The following ICA1L variants were observed in gnomAD, a reference collection of about 807,000 sequenced individuals.
ICA1L encodes the protein islet cell autoantigen 1 like, also known as islet cell autoantigen 1-like protein.
A neutral mutation model predicts 61.3 loss-of-function variants in ICA1L; 50 were observed. The observed-to-expected ratio is 0.82, with a 90% CI of 0.65 to 1.03. The LOEUF (loss-of-function observed/expected upper bound fraction) is 1.03, where lower values mean the gene tolerates loss of function less well. Among genes scored for constraint, ICA1L ranks in the 50% least tolerant of loss-of-function variants. The pLI is 0.00. For missense variants in ICA1L, 508 were observed against 556.7 expected, an observed-to-expected ratio of 0.91 and a Z score of 0.88; for synonymous variants, 161 against 191.3, an observed-to-expected ratio of 0.84 and a Z score of 1.31.
chr2:202,825,533 A>G, intron 3 of ICA1L, 162 bp downstream of exon 3: 1 of 1,349,964 alleles, frequency 7.4e-7, no homozygotes, highest in Non-Finnish European at 9.5e-7. Context: ...TGAGGAAAGA[A>G]GAGAGAATAC....
chr2:202,840,170 G>C (rs945503372), intron 1 of ICA1L, among the ~76,000 whole-genome samples: 1 of 148,246 alleles, frequency 6.7e-6, no homozygotes, highest in Non-Finnish European at 1.5e-5. Flanking sequence ...GAATGGGCAA[G>C]GGGGATCCCC....
In ICA1L at chr2:202,779,303, T is replaced by TAGA; in HGVS notation, c.*227_*229dup. 1 of 396,814 alleles carries TAGA rather than the reference T, an allele frequency of 2.5e-6. No homozygotes were observed. The highest frequency in any genetic ancestry group is 4.4e-6 in the Non-Finnish European group (1 of 225,270). 24.6% of individuals were successfully genotyped at this position (396,814 alleles called of 1,614,324 possible). ...TCTGTAGTTTCTAATATTTTCCACATAGAAGTTTCTAATATTTTCCACATA... is the reference window on the plus strand; with the variant it reads ...TCTGTAGTTTCTAATATTTTCCACATAGAAGAAGTTTCTAATATTTTCCACATA... On this transcript the variant is annotated 3_prime_UTR_variant, in exon 13 of 13. Transcript: ENST00000358299.
intron 9 of ICA1L, among the ~76,000 whole-genome samples, chr2:202,798,202 A>G (rs1313371285): frequency 1.3e-5 from 2 of 152,054 alleles, no homozygotes; most frequent in African/African-American, 4.8e-5. Context: ...CAATGATTCC[A>G]TATCTTGGCT....
intron 1 of ICA1L, among the ~76,000 whole-genome samples, chr2:202,836,967 A>T (rs1268057723): frequency 6.7e-6 from 1 of 150,358 alleles, no homozygotes; most frequent in East Asian, 2.0e-4. Flanking sequence ...TCAGCCTCCC[A>T]AGTTTCTGGG....
intron 1 of ICA1L, among the ~76,000 whole-genome samples, chr2:202,854,474 A>G (rs1042217239): frequency 6.6e-6 from 1 of 152,186 alleles, no homozygotes; most frequent in Admixed American, 6.6e-5. Flanking sequence ...TCAATATGAG[A>G]CAGATCAATG....
chr2:202,815,969 A>G lies in ICA1L; in HGVS notation c.725T>C (p.Met242Thr). The change falls in exon 7 of 13, where the codon ATG becomes ACG. Residue 242 changes from methionine (M) to threonine (T), a missense_variant. Physicochemically the swap from Met to Thr is moderately conservative, Grantham distance 81. Transcript: ENST00000358299. Reference protein sequence around the residue: ...LGFWKKTARMMSQIHEACIGF... With the variant: ...LGFWKKTARMTSQIHEACIGF... ...AATACAGGCTTCATGAATTTGGGAC[A>G]TCATTCGAGCTGTTTTCTTCCAGAA... The G allele has an allele frequency of 6.2e-7, 1 of 1,605,566 alleles. No homozygotes were observed. The highest frequency in any genetic ancestry group is 8.5e-7 in the Non-Finnish European group (1 of 1,176,684).
intron 1 of ICA1L, chr2:202,870,955 G>C (rs981148004): frequency 6.6e-6 from 1 of 152,186 alleles, no homozygotes. Context: ...GCTGACGCGC[G>C]TTTCCAGGAG....
At chr2:202,839,286 G>T (rs910488537) in intron 1 of ICA1L, among the ~76,000 whole-genome samples, 1 of 152,004 alleles carries the variant, frequency 6.6e-6, no homozygotes, top group Non-Finnish European at 1.5e-5. Flanking sequence ...GGATCACAAG[G>T]TCAGAAGATC....
chr2:202,839,555 AGTCTGTGTGTGTGTGTGTGTGTGTGT>A (rs1224931796), intron 1 of ICA1L, among the ~76,000 whole-genome samples: 2 of 73,810 alleles, frequency 2.7e-5, no homozygotes, highest in Admixed American at 2.6e-4. Context: ...CATACAGTTA[AGTCTGTGTGTGTGTGTGTGTGTGTGT>A]GTGTGTGTGT....
intron 1 of ICA1L, among the ~76,000 whole-genome samples, chr2:202,839,103 G>A (rs1694238385): frequency 6.6e-6 from 1 of 152,116 alleles, no homozygotes; most frequent in Non-Finnish European, 1.5e-5. Flanking sequence ...CCATATCGGT[G>A]TACTGCACCT....
intron 3 of ICA1L, among the ~76,000 whole-genome samples, chr2:202,824,063 A>G (rs1489294216): frequency 6.6e-6 from 1 of 152,216 alleles, no homozygotes; most frequent in Non-Finnish European, 1.5e-5. Context: ...TACTGACTAC[A>G]TGCTAGACAT....
At chr2:202,825,473 G>GA (rs1693816859) in intron 3 of ICA1L, 46 of 1,238,202 alleles carry the variant, frequency 3.7e-5, no homozygotes, top group Admixed American at 7.6e-5. Context: ...CTGTCTCAAA[G>GA]AAAAAAAATA....
chr2:202,814,092 G>GA (rs1267774545), intron 8 of ICA1L, among the ~76,000 whole-genome samples: 6 of 152,080 alleles, frequency 3.9e-5, no homozygotes, highest in Non-Finnish European at 8.8e-5. Flanking sequence ...GGATATTAAG[G>GA]AAAAAATGGA....
At chr2:202,805,640 TA>T in intron 9 of ICA1L, among the ~76,000 whole-genome samples, 1 of 152,062 alleles carries the variant, frequency 6.6e-6, no homozygotes, top group South Asian at 2.1e-4. Context: ...CTAAAATTTA[TA>T]AAACCAAAAA....
chr2:202,783,082 T>A (rs1692461873), intron 12 of ICA1L, among the ~76,000 whole-genome samples: 1 of 151,876 alleles, frequency 6.6e-6, no homozygotes, highest in Non-Finnish European at 1.5e-5. Context: ...AATGAATAAG[T>A]AAATAAGTAG....
intron 1 of ICA1L, 26 bp from the exon 2 acceptor site, chr2:202,829,042 C>T (rs1300291084): frequency 1.3e-6 from 2 of 1,511,598 alleles, no homozygotes; most frequent in African/African-American, 2.8e-5. Context: ...TAAAATTAAA[C>T]TTCTTTTAAA....
At chr2:202,794,323 G>T (rs55800724) in intron 10 of ICA1L, among the ~76,000 whole-genome samples, 56,023 of 141,926 alleles carry the variant, frequency 0.39, 12,433 homozygotes, top group Middle Eastern at 0.65. Context: ...TCCTGCCTGC[G>T]CGACACAGTG....
At chr2:202,829,933 C>G (rs1457219038) in intron 1 of ICA1L, among the ~76,000 whole-genome samples, 3 of 152,128 alleles carry the variant, frequency 2.0e-5, no homozygotes. Context: ...CTATGTCAAA[C>G]ATCCATTTAA....
chr2:202,828,972 T>A lies in ICA1L; in HGVS notation c.38A>T (p.Gln13Leu), dbSNP rs1397976383. 3 of 1,605,542 alleles carry A rather than the reference T, an allele frequency of 1.9e-6. No individual in the cohort carries two copies. Among genetic ancestry groups the A allele is most frequent in the Admixed American group, 1.7e-5 (1 of 58,970 alleles). ...CTTTTGCATTCTTCTGACTACTGAC[T>A]GATTATCTTCTGGTCTGGGTTGCCC... ...SFGQPRPEDN[Q>L]SVVRRMQKKY... is the part of the protein sequence containing the mutation. The change falls in exon 2 of 13, where the codon CAG (glutamine) becomes CTG (leucine). Residue 13 changes from glutamine (Q) to leucine (L), a missense_variant. Coordinates refer to ENST00000358299, the MANE Select transcript of ICA1L (RefSeq NM_001288622.3).
Sources: allele counts gnomAD v4.1 joint callset (sites outside exome capture counted in the v4.1 genomes callset), GRCh38; gene constraint gnomAD v4.1.1; transcripts MANE v1.5; gene names NCBI Gene and HGNC (gene_info 2026-07-23, HGNC 2026-07-21).